The following PRDM6 variants were observed in gnomAD, a reference collection of about 807,000 sequenced individuals.
PRDM6 encodes the protein putative histone-lysine N-methyltransferase PRDM6.
Under a neutral mutation model 60.8 loss-of-function variants are expected in PRDM6, and 25 were observed. The observed-to-expected ratio is 0.41, with a 90% CI of 0.30 to 0.57. The LOEUF (loss-of-function observed/expected upper bound fraction) is 0.57. Among genes scored for constraint, PRDM6 ranks in the 20% least tolerant of loss-of-function variants. The pLI is 0.27. For missense variants in PRDM6, 839 were observed against 821.3 expected (o/e 1.02, Z -0.26); for synonymous variants, 407 against 357.4 (o/e 1.14, Z -1.57).
intron 3 of PRDM6, among the ~76,000 whole-genome samples, chr5:123,110,460 T>C (rs1764285923): frequency 6.6e-6 from 1 of 151,890 alleles, no homozygotes; most frequent in South Asian, 2.1e-4. Flanking sequence ...GGTTTCACCA[T>C]GTGGGCCAGG....
chr5:123,094,307 C>A lies in PRDM6; in HGVS notation c.592+3701C>A, dbSNP rs560081034. On this transcript the variant is annotated intron_variant, in intron 2 of 7. Transcript: ENST00000407847. ...GCACACCAGCAGGCTTTTTGTGCAA[C>A]CGAGGAACATCCACTGCGCCCCTTC... Among the ~76,000 whole-genome samples, 294 of 152,290 alleles carry A rather than the reference C, an allele frequency of 1.9e-3. 1 individual carries two copies. The highest frequency in any genetic ancestry group is 6.5e-3 in the African/African-American group (270 of 41,560).
intron 6 of PRDM6, among the ~76,000 whole-genome samples, chr5:123,171,373 C>T (rs1007606548): frequency 1.3e-5 from 2 of 152,148 alleles, no homozygotes; most frequent in Non-Finnish European, 2.9e-5. Context: ...ATAGAAGGAA[C>T]GTTTATGAAT....
chr5:123,121,251 A>T (rs1279358028), intron 3 of PRDM6, among the ~76,000 whole-genome samples: 2 of 152,180 alleles, frequency 1.3e-5, no homozygotes, highest in Non-Finnish European at 2.9e-5. Flanking sequence ...CAAAGTACAG[A>T]GAAATAAATA....
At chr5:123,142,877 C>CAAAAAAAAAAAAAAAAAAAAAAAAAA in intron 3 of PRDM6, among the ~76,000 whole-genome samples, 8 of 27,366 alleles carry the variant, frequency 2.9e-4, no homozygotes, top group Admixed American at 4.7e-4. Flanking sequence ...CAGTGAAGAC[C>CAAAAAAAAAAAAAAAAAAAAAAAAAA]AAAAAAAAAA....
chr5:123,117,214 G>C lies in PRDM6; in HGVS notation c.900+17253G>C, dbSNP rs990123333. ...ATTTAAATTTGGACCCAAGTCCAGA[G>C]TAACTCTAGGGTTATGTAATTTTAA... On this transcript the variant is annotated intron_variant, in intron 3 of 7. Transcript: ENST00000407847. Among the ~76,000 whole-genome samples the C allele has an allele frequency of 7.2e-5, 11 of 152,032 alleles. No individual in the cohort carries two copies. The East Asian group carries it at 1.7e-3, about 24-fold the overall frequency.
chr5:123,108,280 C>A (rs1327468073), intron 3 of PRDM6, among the ~76,000 whole-genome samples: 1 of 152,072 alleles, frequency 6.6e-6, no homozygotes, highest in Non-Finnish European at 1.5e-5. Context: ...GTCTTAAGTG[C>A]TTTTTAATTG....
In PRDM6 at chr5:123,187,528, C is replaced by T. The variant is rs142895625; in HGVS notation, c.*327C>T. On this transcript the variant is annotated 3_prime_UTR_variant, in exon 8 of 8. Coordinates refer to ENST00000407847, the MANE Select transcript of PRDM6 (RefSeq NM_001136239.4). ...GTTATTTAATACCAAAGGGAGGAAT[C>T]GTATGGGTTCTTCTGCCCACCGTTG... 4 of 227,386 alleles carry T rather than the reference C, an allele frequency of 1.8e-5. No individual in the cohort carries two copies. Among genetic ancestry groups the T allele is most frequent in the Non-Finnish European group, 3.6e-5 (4 of 112,140 alleles). The allele number at this position is 227,386 out of a possible 1,614,324, so 14.1% of individuals were successfully genotyped here.
In PRDM6 at chr5:123,190,537, A is replaced by AT. The variant is rs1057456762; in HGVS notation, c.*3342dup. The AT allele has an allele frequency of 6.6e-6, 1 of 152,146 alleles. No individual in the cohort carries two copies. The highest frequency in any genetic ancestry group is 1.5e-5 in the Non-Finnish European group (1 of 68,020). The allele number at this position is 152,146 out of a possible 1,614,324, so 9.4% of individuals were successfully genotyped here. A position where few individuals can be genotyped will look rare whatever the true frequency, so the allele number is the denominator to read the frequency against. Reference sequence around the variant, plus strand: ...TTATATAATTTGATTCAGTTGGTACATTTTTTATTGTGTTCATTTAAATGT... The same window carrying AT: ...TTATATAATTTGATTCAGTTGGTACATTTTTTTATTGTGTTCATTTAAATGT... On this transcript the variant is annotated 3_prime_UTR_variant, in exon 8 of 8. Transcript: ENST00000407847.
At position 123,103,198 on chromosome 5, in the gene PRDM6, GT is replaced by G. The variant is rs1259282599; in HGVS notation, c.900+3243del. Among the ~76,000 whole-genome samples the G allele has an allele frequency of 3.3e-5, 5 of 151,800 alleles. No individual in the cohort carries two copies. The East Asian group carries it at 9.6e-4, about 29-fold the overall frequency. ...ATTTATGGGAAATTCCAAGAGAGTTGTTTTTTCTTTTTTTGCAATAAGCCAA... is the reference window on the plus strand; with the variant it reads ...ATTTATGGGAAATTCCAAGAGAGTTGTTTTTCTTTTTTTGCAATAAGCCAA... On this transcript the variant is annotated intron_variant, in intron 3 of 7. Transcript: ENST00000407847.
At chr5:123,145,346 G>A (rs1765216550) in intron 3 of PRDM6, among the ~76,000 whole-genome samples, 1 of 152,188 alleles carries the variant, frequency 6.6e-6, no homozygotes, top group Non-Finnish European at 1.5e-5. Flanking sequence ...AGGGCAGGGA[G>A]TGGGTCTTAG....
At position 123,188,587 on chromosome 5, in the gene PRDM6, G is replaced by GT. The variant is rs1189551955; in HGVS notation, c.*1390dup. ...GGCCAGTTTAGATAAAAACTGTTCA[G>GT]TTTTATCTAGAGTGTTTAATAACAA... On this transcript the variant is annotated 3_prime_UTR_variant, in exon 8 of 8. Coordinates refer to ENST00000407847, the MANE Select transcript of PRDM6 (RefSeq NM_001136239.4). 2 of 152,160 alleles carry GT rather than the reference G, an allele frequency of 1.3e-5. No homozygotes were observed. Among genetic ancestry groups the GT allele is most frequent in the African/African-American group, 4.8e-5 (2 of 41,438 alleles). The allele number at this position is 152,160 out of a possible 1,614,324, so 9.4% of individuals were successfully genotyped here.
In PRDM6 at chr5:123,187,209, A is replaced by G. The variant is rs1045388452; in HGVS notation, c.*8A>G. 1.7e-5 allele frequency: 26 copies of G among 1,539,148 alleles called. No individual in the cohort carries two copies. The highest frequency in any genetic ancestry group is 2.7e-5 in the African/African-American group (2 of 72,792). On this transcript the variant is annotated 3_prime_UTR_variant, in exon 8 of 8. Coordinates refer to ENST00000407847, the MANE Select transcript of PRDM6 (RefSeq NM_001136239.4). ...TCAATCGAAGTGGATTAACGGATTG[A>G]CTGGTTGGAATTAAACTGCAAGGAA...
chr5:123,190,651 A>T lies in PRDM6; in HGVS notation c.*3450A>T, dbSNP rs1489763422. 1.3e-5 allele frequency: 2 copies of T among 152,170 alleles called. No individual in the cohort carries two copies. Among genetic ancestry groups the T allele is most frequent in the African/African-American group, 4.8e-5 (2 of 41,446 alleles). The allele number at this position is 152,170 out of a possible 1,614,324, so 9.4% of individuals were successfully genotyped here. A position where few individuals can be genotyped will look rare whatever the true frequency, so the allele number is the denominator to read the frequency against. On this transcript the variant is annotated 3_prime_UTR_variant, in exon 8 of 8. Transcript: ENST00000407847. Reference sequence around the variant, plus strand: ...TCATAATTGAATTTTACCTTGTAAAAATTTCATTCTGGTTCAGGTATGCAA... The same window carrying T: ...TCATAATTGAATTTTACCTTGTAAATATTTCATTCTGGTTCAGGTATGCAA...
chr5:123,103,916 G>T (rs1366967222), intron 3 of PRDM6, among the ~76,000 whole-genome samples: 1 of 152,026 alleles, frequency 6.6e-6, no homozygotes, highest in African/African-American at 2.4e-5. Context: ...TTGAAATAAT[G>T]TAGTGACTTG....
intron 2 of PRDM6, among the ~76,000 whole-genome samples, chr5:123,093,668 C>A (rs1298942961): frequency 1.3e-5 from 2 of 152,112 alleles, no homozygotes; most frequent in African/African-American, 4.8e-5. Flanking sequence ...AATATTACTG[C>A]CCTCATTTGC....
intron 7 of PRDM6, among the ~76,000 whole-genome samples, chr5:123,181,597 T>C (rs1766163641): frequency 6.6e-6 from 1 of 152,216 alleles, no homozygotes; most frequent in Non-Finnish European, 1.5e-5. Context: ...ACTGGCTTTT[T>C]CTGTTTGAGA....
At chr5:123,143,836 C>T (rs1261145571) in intron 3 of PRDM6, among the ~76,000 whole-genome samples, 2 of 152,096 alleles carry the variant, frequency 1.3e-5, no homozygotes, top group Non-Finnish European at 2.9e-5. Flanking sequence ...CAACTTAATG[C>T]TTTTAATACC....
At chr5:123,098,331 GCGCGGGGTCGCCGTGGCTCCT>G (rs1764006522) in intron 2 of PRDM6, among the ~76,000 whole-genome samples, 1 of 152,230 alleles carries the variant, frequency 6.6e-6, no homozygotes, top group South Asian at 2.1e-4. Context: ...CCTGACACTT[GCGCGGGGTCGCCGTGGCTCCT>G]CAGGGAAGCT....
intron 3 of PRDM6, among the ~76,000 whole-genome samples, chr5:123,118,849 A>T (rs1274492777): frequency 2.6e-5 from 4 of 152,164 alleles, no homozygotes; most frequent in Non-Finnish European, 4.4e-5. Context: ...GATTGTGGTA[A>T]CATCACGCAC....
Sources: allele counts gnomAD v4.1 joint callset (sites outside exome capture counted in the v4.1 genomes callset), GRCh38; gene constraint gnomAD v4.1.1; transcripts MANE v1.5; gene names NCBI Gene and HGNC (gene_info 2026-07-23, HGNC 2026-07-21).